The following NRF1 variants were observed in gnomAD, a reference collection of about 807,000 sequenced individuals.
NRF1 encodes nuclear respiratory factor 1.
NRF1 carries 5 observed loss-of-function variants against 58.5 expected under a neutral mutation model. That is an observed-to-expected ratio of 0.09 (90% CI 0.04 to 0.18). NRF1 has a LOEUF of 0.18. Among genes scored for constraint, NRF1 ranks in the 10% least tolerant of loss-of-function variants. The probability of loss-of-function intolerance (pLI) is 1.00; values close to 1 mark genes in which losing one functional copy is unlikely to be tolerated. For missense variants in NRF1, 288 were observed against 657.7 expected, an observed-to-expected ratio of 0.44 and a Z score of 6.15; for synonymous variants, 224 against 246.7, an observed-to-expected ratio of 0.91 and a Z score of 0.86.
At chr7:129,665,629 G>C (rs1355464206) in intron 2 of NRF1, among the ~76,000 whole-genome samples, 1 of 152,096 alleles carries the variant, frequency 6.6e-6, no homozygotes. Flanking sequence ...TGTTGTTGTT[G>C]TTGGTTTTTT....
At chr7:129,695,779 G>A (rs1321435618) in intron 5 of NRF1, among the ~76,000 whole-genome samples, 1 of 150,838 alleles carries the variant, frequency 6.6e-6, no homozygotes, top group Non-Finnish European at 1.5e-5. Context: ...AACTTGGAGG[G>A]ATGTACATTA....
At chr7:129,638,894 A>T (rs953223779) in intron 1 of NRF1, among the ~76,000 whole-genome samples, 8 of 152,114 alleles carry the variant, frequency 5.3e-5, no homozygotes, top group African/African-American at 7.2e-5. Flanking sequence ...ATTTTGCTTT[A>T]GTCTTGAAAT....
Position 129,647,298 on chromosome 7 carries a change from C to T in NRF1, c.-6-10048C>T, listed in dbSNP as rs528700765. On this transcript the variant is annotated intron_variant, in intron 1 of 10. Transcript: ENST00000393232. Reference sequence around the variant, plus strand: ...GCCCGCCTCTGGCCTCTCGGGATTACGGGCATGAGCCACCATGCCTGGCGC... The same window carrying T: ...GCCCGCCTCTGGCCTCTCGGGATTATGGGCATGAGCCACCATGCCTGGCGC... 9.2e-5 allele frequency among the ~76,000 whole-genome samples: 14 copies of T among 152,042 alleles called. 1 individual carries two copies. The South Asian group carries it at 2.3e-3, about 25-fold the overall frequency.
At chr7:129,669,831 T>C (rs1313198802) in intron 2 of NRF1, among the ~76,000 whole-genome samples, 2 of 152,194 alleles carry the variant, frequency 1.3e-5, no homozygotes, top group African/African-American at 4.8e-5. Flanking sequence ...TCCTGGTGTC[T>C]CACTTCTGGG....
At chr7:129,649,123 G>C (rs1239139429) in intron 1 of NRF1, among the ~76,000 whole-genome samples, 1 of 152,098 alleles carries the variant, frequency 6.6e-6, no homozygotes, top group Non-Finnish European at 1.5e-5. Context: ...CTGTGGAATT[G>C]TTTTTAATTT....
At chr7:129,734,773 C>T (rs997028369) in intron 10 of NRF1, among the ~76,000 whole-genome samples, 2 of 152,180 alleles carry the variant, frequency 1.3e-5, no homozygotes, top group Non-Finnish European at 2.9e-5. Flanking sequence ...TGGTGGGCTA[C>T]GGGTGCTATT....
At chr7:129,632,992 A>G (rs910370711) in intron 1 of NRF1, among the ~76,000 whole-genome samples, 3 of 134,360 alleles carry the variant, frequency 2.2e-5, no homozygotes, top group Non-Finnish European at 5.4e-5. Flanking sequence ...ATTACATAAA[A>G]TTGCAAAACA....
At chr7:129,740,561 T>C (rs570914199) in intron 10 of NRF1, among the ~76,000 whole-genome samples, 1 of 152,340 alleles carries the variant, frequency 6.6e-6, no homozygotes, top group Admixed American at 6.5e-5. Context: ...AGGCCTTTTC[T>C]GTCACTCCTC....
intron 10 of NRF1, 72 bp downstream of exon 10, chr7:129,727,437 C>T: frequency 1.4e-6 from 2 of 1,471,224 alleles, no homozygotes; most frequent in Non-Finnish European, 1.8e-6. Context: ...TGACTGGCAA[C>T]AAAGCCTTCA....
rs576158128 is a variant in NRF1 at position 129,674,139 on chromosome 7, TA to T, written c.338+2610del. 2.2e-3 allele frequency among the ~76,000 whole-genome samples: 328 copies of T among 146,188 alleles called. 2 individuals are homozygous for T. The highest frequency in any genetic ancestry group is 5.9e-3 in the African/African-American group (232 of 38,994). On this transcript the variant is annotated intron_variant, in intron 3 of 10. Coordinates refer to ENST00000393232, the MANE Select transcript of NRF1 (RefSeq NM_005011.5). ...CTAGGCGACAGAGTGAAACTCCATC[TA>T]AAAAAAAAAAAAAGCTGTTTTCATT...
intron 9 of NRF1, among the ~76,000 whole-genome samples, chr7:129,719,039 G>A (rs192593251): frequency 1.1e-3 from 171 of 152,252 alleles, no homozygotes; most frequent in African/African-American, 3.9e-3. Context: ...TGATTATAGT[G>A]AGAGGAGATT....
chr7:129,657,945 C>G (rs1282865098), intron 2 of NRF1, among the ~76,000 whole-genome samples: 1 of 152,076 alleles, frequency 6.6e-6, no homozygotes, highest in Non-Finnish European at 1.5e-5. Context: ...GCAGTTATAA[C>G]TTGAGCCTGT....
intron 3 of NRF1, among the ~76,000 whole-genome samples, chr7:129,673,414 C>T (rs1043857546): frequency 3.9e-5 from 6 of 152,180 alleles, no homozygotes; most frequent in African/African-American, 1.4e-4. Flanking sequence ...TCTGTTTCAT[C>T]CATTGTTACT....
At chr7:129,687,298 G>T in intron 4 of NRF1, among the ~76,000 whole-genome samples, 1 of 147,320 alleles carries the variant, frequency 6.8e-6, no homozygotes. Context: ...TTTTTGAGGC[G>T]GAGTCTCACC....
chr7:129,709,355 C>A, intron 6 of NRF1, 122 bp downstream of exon 6: 1 of 713,840 alleles, frequency 1.4e-6, no homozygotes, highest in Non-Finnish European at 2.1e-6. Flanking sequence ...CCTGTCCCTC[C>A]AAAGACTGAT....
At chr7:129,725,588 A>G (rs957489980) in intron 9 of NRF1, among the ~76,000 whole-genome samples, 3 of 152,156 alleles carry the variant, frequency 2.0e-5, no homozygotes, top group African/African-American at 4.8e-5. Flanking sequence ...TGGCCTCCCA[A>G]AGAGCTAGGA....
intron 10 of NRF1, among the ~76,000 whole-genome samples, chr7:129,748,336 C>T (rs1434902795): frequency 4.2e-5 from 6 of 144,460 alleles, no homozygotes; most frequent in Non-Finnish European, 9.0e-5. Context: ...GATTTATAGA[C>T]AGAAAAGCAG....
chr7:129,651,116 G>A (rs896735567), intron 1 of NRF1, among the ~76,000 whole-genome samples: 2 of 152,092 alleles, frequency 1.3e-5, no homozygotes, highest in African/African-American at 4.8e-5. Context: ...TTCACAGGGT[G>A]TGCTGAATAA....
intron 10 of NRF1, among the ~76,000 whole-genome samples, chr7:129,727,952 A>G (rs1803487741): frequency 1.3e-5 from 2 of 152,130 alleles, no homozygotes; most frequent in African/African-American, 4.8e-5. Flanking sequence ...CTTCCTGGAC[A>G]TTGGTGAATA....
Sources: allele counts gnomAD v4.1 joint callset (sites outside exome capture counted in the v4.1 genomes callset), GRCh38; gene constraint gnomAD v4.1.1; transcripts MANE v1.5; gene names NCBI Gene and HGNC (gene_info 2026-07-23, HGNC 2026-07-21).